Variants in ANKFN1 observed in about 807,000 individuals in gnomAD.
ANKFN1 encodes the protein ankyrin repeat and fibronectin type III domain containing 1.
Under a neutral mutation model 108.7 loss-of-function variants are expected in ANKFN1, and 74 were observed. The observed-to-expected ratio is 0.68, with a 90% CI of 0.56 to 0.83. The LOEUF is 0.83. ANKFN1 is among the 40% of genes least tolerant of loss of function. ANKFN1 has a pLI of 0.00. For synonymous variants in ANKFN1, 547 were observed against 516.2 expected, an observed-to-expected ratio of 1.06 and a Z score of -0.81; for missense variants, 1,505 against 1,382.3, an observed-to-expected ratio of 1.09 and a Z score of -1.41.
chr17:56,357,070 T>C (rs1197726323), intron 6 of ANKFN1, among the ~76,000 whole-genome samples: 1 of 152,152 alleles, frequency 6.6e-6, no homozygotes, highest in Non-Finnish European at 1.5e-5. Flanking sequence ...CCTCATTCTC[T>C]CTGGGATGAT....
chr17:56,386,134 T>C (rs979287006), intron 8 of ANKFN1, among the ~76,000 whole-genome samples: 11 of 151,528 alleles, frequency 7.3e-5, no homozygotes, highest in African/African-American at 2.7e-4. Flanking sequence ...TGGAATACTA[T>C]GCAGCCATAA....
intron 3 of ANKFN1, among the ~76,000 whole-genome samples, chr17:56,304,271 G>A (rs1014515460): frequency 1.3e-5 from 2 of 152,106 alleles, no homozygotes; most frequent in African/African-American, 4.8e-5. Flanking sequence ...ACGTTTTAAT[G>A]TTGGCTTTTT....
intron 8 of ANKFN1, among the ~76,000 whole-genome samples, chr17:56,386,341 G>C (rs1330194482): frequency 6.6e-6 from 1 of 152,018 alleles, no homozygotes; most frequent in Non-Finnish European, 1.5e-5. Context: ...GGAGCGGGGA[G>C]GGATAGCATC....
chr17:56,282,101 T>TAA (rs1211333317), intron 3 of ANKFN1, among the ~76,000 whole-genome samples: 5 of 152,146 alleles, frequency 3.3e-5, no homozygotes, highest in African/African-American at 1.2e-4. Flanking sequence ...TATCAACAGA[T>TAA]ATAAGGATAA....
At chr17:56,403,108 T>C (rs1467459551) in intron 8 of ANKFN1, among the ~76,000 whole-genome samples, 1 of 152,170 alleles carries the variant, frequency 6.6e-6, no homozygotes, top group Non-Finnish European at 1.5e-5. Flanking sequence ...GCTCATTTTA[T>C]GGCCTATAAT....
intron 14 of ANKFN1, among the ~76,000 whole-genome samples, chr17:56,458,887 C>A (rs745506409): frequency 3.3e-5 from 5 of 152,196 alleles, no homozygotes; most frequent in African/African-American, 7.2e-5. Context: ...AAAAAAATTT[C>A]TATGGCTTTG....
Position 56,278,182 on chromosome 17 carries a change from C to G in ANKFN1, c.54-48039C>G, listed in dbSNP as rs188348351. 7.9e-5 allele frequency among the ~76,000 whole-genome samples: 12 copies of G among 152,284 alleles called. No homozygotes were observed. In the East Asian group the frequency reaches 1.7e-3, roughly 22 times the overall value. ...AGCTTATATCTCACATTGAATGAAG[C>G]CTTAACTCATCTAAATGCCTCTTTG... is the stretch of plus-strand genomic sequence containing the variant. On this transcript the variant is annotated intron_variant, in intron 3 of 20. Coordinates refer to ENST00000682825, the MANE Select transcript of ANKFN1 (RefSeq NM_001370326.1).
chr17:56,241,105 T>C (rs796165576), intron 3 of ANKFN1, among the ~76,000 whole-genome samples: 60 of 152,254 alleles, frequency 3.9e-4, no homozygotes, highest in African/African-American at 1.3e-3. Flanking sequence ...TACACTGTTA[T>C]GTAAGTTTTA....
intron 4 of ANKFN1, among the ~76,000 whole-genome samples, chr17:56,109,709 G>A (rs1011699734): frequency 2.6e-5 from 4 of 152,208 alleles, no homozygotes; most frequent in Non-Finnish European, 5.9e-5. Context: ...TAACTTCGAG[G>A]AGGTAGGAAG....
intron 4 of ANKFN1, among the ~76,000 whole-genome samples, chr17:56,073,699 A>T (rs1229220293): frequency 6.6e-6 from 1 of 152,218 alleles, no homozygotes; most frequent in African/African-American, 2.4e-5. Context: ...CCTGGTGACC[A>T]CCAATTTGAT....
At chr17:56,284,404 C>CA (rs1555622317) in intron 3 of ANKFN1, among the ~76,000 whole-genome samples, 1 of 151,790 alleles carries the variant, frequency 6.6e-6, no homozygotes, top group African/African-American at 2.4e-5. Flanking sequence ...ATGATATTTC[C>CA]TTTTTTTTCT....
In ANKFN1 at chr17:56,074,394, C is replaced by A. The variant is rs543390859; in HGVS notation, c.288+28069C>A. ...CACATGGAGCGAGACCCCTCTGACA[C>A]TGCGTGAGCCCTTGATGGCTGAAGC... On this transcript the variant is annotated intron_variant, in intron 4 of 12. Coordinates refer to the ANKFN1 transcript ENST00000635860. 5.9e-5 allele frequency among the ~76,000 whole-genome samples: 9 copies of A among 152,346 alleles called. 1 individual carries two copies. The South Asian group carries it at 1.9e-3, about 32-fold the overall frequency.
At chr17:56,470,541 A>G (rs1296446661) in intron 15 of ANKFN1, among the ~76,000 whole-genome samples, 1 of 152,210 alleles carries the variant, frequency 6.6e-6, no homozygotes, top group African/African-American at 2.4e-5. Flanking sequence ...CACCCAGTCC[A>G]CAGAGACCTC....
intron 8 of ANKFN1, among the ~76,000 whole-genome samples, chr17:56,418,482 T>C (rs1197561803): frequency 2.0e-5 from 3 of 152,152 alleles, no homozygotes; most frequent in Admixed American, 2.0e-4. Context: ...TTCAAGTCGA[T>C]TTTCTTAGAA....
chr17:56,447,044 G>A (rs1460671016), intron 10 of ANKFN1, among the ~76,000 whole-genome samples: 1 of 152,096 alleles, frequency 6.6e-6, no homozygotes, highest in Non-Finnish European at 1.5e-5. Flanking sequence ...CCAGCATGGT[G>A]AAACCCTGTC....
intron 8 of ANKFN1, among the ~76,000 whole-genome samples, chr17:56,428,259 G>A (rs1204353640): frequency 4.0e-5 from 6 of 151,478 alleles, no homozygotes; most frequent in East Asian, 3.9e-4. Flanking sequence ...AAAGAAAGAC[G>A]TATTTATAAC....
chr17:56,328,896 G>C (rs1490250163), intron 4 of ANKFN1, among the ~76,000 whole-genome samples: 4 of 152,040 alleles, frequency 2.6e-5, no homozygotes, highest in Non-Finnish European at 5.9e-5. Context: ...ACAAAATGTA[G>C]TCTATTTTAT....
chr17:56,454,531 A>G (rs76379453), intron 11 of ANKFN1, among the ~76,000 whole-genome samples: 2,759 of 152,246 alleles, frequency 0.018, 54 homozygotes, highest in East Asian at 0.093. Flanking sequence ...GATTTCAGAG[A>G]AGGGAAATCA....
intron 8 of ANKFN1, among the ~76,000 whole-genome samples, chr17:56,428,758 G>T (rs181370947): frequency 6.6e-6 from 1 of 152,052 alleles, no homozygotes; most frequent in East Asian, 1.9e-4. Flanking sequence ...CCACAGCACC[G>T]GCCCATGGCC....
Sources: gnomAD v4.1 joint callset for allele counts (sites outside exome capture counted in the v4.1 genomes callset) on GRCh38, gnomAD v4.1.1 for gene constraint, MANE v1.5 for transcripts, NCBI Gene and HGNC (gene_info 2026-07-23, HGNC 2026-07-21) for gene names.